The following COL23A1 variants were observed in gnomAD, a reference collection of about 807,000 sequenced individuals.
The protein encoded by COL23A1 is collagen type XXIII alpha 1 chain.
Under a neutral mutation model 99.3 loss-of-function variants are expected in COL23A1, and 97 were observed. The observed-to-expected ratio is 0.98, with a 90% CI of 0.83 to 1.16. The LOEUF is 1.16. Among genes scored for constraint, COL23A1 ranks in the 50% most tolerant of loss-of-function variants. COL23A1 has a pLI of 0.00. For synonymous variants in COL23A1, 320 were observed against 308.2 expected (o/e 1.04, Z -0.40); for missense variants, 762 against 757.4 (o/e 1.01, Z -0.07).
At chr5:178,269,340 C>T (rs879432641) in intron 6 of COL23A1, among the ~76,000 whole-genome samples, 3,294 of 56,140 alleles carry the variant, frequency 0.059, 58 homozygotes, top group Non-Finnish European at 0.12. Flanking sequence ...TGTATCCATC[C>T]ATCCATCCAC....
intron 5 of COL23A1, among the ~76,000 whole-genome samples, chr5:178,279,252 G>C (rs2973764): frequency 6.6e-6 from 1 of 152,112 alleles, no homozygotes. Flanking sequence ...CTCTTCTGAG[G>C]AGCCTTCTTC....
intron 1 of COL23A1, among the ~76,000 whole-genome samples, chr5:178,585,044 C>T (rs940777368): frequency 6.6e-6 from 1 of 152,202 alleles, no homozygotes; most frequent in South Asian, 2.1e-4. Context: ...GTGCCAGAGA[C>T]AATCCCAAAC....
At chr5:178,370,810 T>C (rs1481883087) in intron 2 of COL23A1, among the ~76,000 whole-genome samples, 2 of 152,144 alleles carry the variant, frequency 1.3e-5, no homozygotes, top group Non-Finnish European at 2.9e-5. Context: ...AGCGTGGTGG[T>C]GTGCACCTGC....
intron 1 of COL23A1, among the ~76,000 whole-genome samples, chr5:178,565,910 C>T (rs189302125): frequency 1.0e-3 from 150 of 148,580 alleles, no homozygotes; most frequent in African/African-American, 3.5e-3. Context: ...GTCAGGAGTT[C>T]GTGACTAGCC....
chr5:178,256,794 A>G, intron 14 of COL23A1, 72 bp downstream of exon 14: 2 of 1,441,814 alleles, frequency 1.4e-6, no homozygotes, highest in Non-Finnish European at 1.9e-6. Flanking sequence ...CTGAAACCAC[A>G]TCTCCCACTC....
intron 2 of COL23A1, among the ~76,000 whole-genome samples, chr5:178,406,262 T>A (rs1375499923): frequency 6.6e-6 from 1 of 152,028 alleles, no homozygotes; most frequent in South Asian, 2.1e-4. Flanking sequence ...AAGATGTATA[T>A]GAAGGAAGCT....
chr5:178,496,388 G>A (rs1019164587), intron 2 of COL23A1, among the ~76,000 whole-genome samples: 1 of 152,162 alleles, frequency 6.6e-6, no homozygotes, highest in Non-Finnish European at 1.5e-5. Context: ...TGAGAAAGAA[G>A]GGCAGAGAAA....
At chr5:178,288,282 G>A in intron 5 of COL23A1, 42 bp downstream of exon 5, 1 of 1,496,398 alleles carries the variant, frequency 6.7e-7, no homozygotes, top group Non-Finnish European at 9.3e-7. Flanking sequence ...ATTGGTTTAA[G>A]AGAAAAGGGT....
Position 178,246,277 on chromosome 5 carries a change from G to T in COL23A1, c.1390C>A (p.Leu464Met). ...GPVGPPGLIG[L>M]PGTKGEKGRP... ...ACCTTCTCTCCTTTGGTTCCTGGCA[G>T]CCCAATAAGGCCCGGTGGGCCAACT... Residue 464 changes from leucine (L) to methionine (M), a missense_variant, in exon 24 of 29, where the codon CTG becomes ATG. Physicochemically the swap from Leu to Met is conservative, Grantham distance 15. Coordinates refer to ENST00000390654, the MANE Select transcript of COL23A1 (RefSeq NM_173465.4). 1.3e-6 allele frequency: 2 copies of T among 1,554,704 alleles called. No individual in the cohort carries two copies. The highest frequency in any genetic ancestry group is 1.2e-5 in the South Asian group (1 of 84,410).
At chr5:178,348,427 C>T (rs957773054) in intron 2 of COL23A1, among the ~76,000 whole-genome samples, 1 of 152,202 alleles carries the variant, frequency 6.6e-6, no homozygotes, top group Non-Finnish European at 1.5e-5. Context: ...CATCCTGTCT[C>T]CCCCACCCCC....
At chr5:178,560,603 C>T (rs753138474) in intron 2 of COL23A1, 79 bp downstream of exon 2, 7 of 1,343,598 alleles carry the variant, frequency 5.2e-6, no homozygotes, top group South Asian at 1.3e-5. Context: ...GTCCACCTTC[C>T]GGACCATGCT....
intron 28 of COL23A1, 103 bp from the exon 29 acceptor site, chr5:178,238,803 A>C: frequency 6.8e-7 from 1 of 1,465,090 alleles, no homozygotes; most frequent in Non-Finnish European, 9.6e-7. Flanking sequence ...ATTTCCTCCT[A>C]TCTTCCCTCC....
intron 2 of COL23A1, among the ~76,000 whole-genome samples, chr5:178,459,899 T>G (rs1019962077): frequency 6.6e-6 from 1 of 152,174 alleles, no homozygotes; most frequent in African/African-American, 2.4e-5. Context: ...TGTTCTGTCT[T>G]GTTATACGCA....
chr5:178,498,485 A>G (rs1390907602), intron 2 of COL23A1, among the ~76,000 whole-genome samples: 2 of 151,678 alleles, frequency 1.3e-5, no homozygotes, highest in Non-Finnish European at 2.9e-5. Flanking sequence ...TATTAAGTTT[A>G]CTTCAATAAA....
chr5:178,400,858 G>A (rs1428121043), intron 2 of COL23A1, among the ~76,000 whole-genome samples: 3 of 152,144 alleles, frequency 2.0e-5, no homozygotes, highest in Non-Finnish European at 4.4e-5. Context: ...GGTTGGTCTC[G>A]AACTCCTGAC....
chr5:178,468,574 C>T lies in COL23A1; in HGVS notation c.361+92108G>A, dbSNP rs1370416155. ...CCCGTCCCTCTGAGCTGACCTCAGG[C>T]TGCAGGCCACACGCAGAGCAGCTTC... On this transcript the variant is annotated intron_variant, in intron 2 of 28. Coordinates refer to ENST00000390654, the MANE Select transcript of COL23A1 (RefSeq NM_173465.4). This position sits in a 1 kb window ranked among gnomAD's most constrained non-coding sequence, Gnocchi z 4.2. Among the ~76,000 whole-genome samples, 1 of 151,424 alleles carries T rather than the reference C, an allele frequency of 6.6e-6. No individual in the cohort carries two copies. Among genetic ancestry groups the T allele is most frequent in the Non-Finnish European group, 1.5e-5 (1 of 68,020 alleles).
At chr5:178,495,515 T>C (rs1179132616) in intron 2 of COL23A1, among the ~76,000 whole-genome samples, 8 of 152,038 alleles carry the variant, frequency 5.3e-5, no homozygotes, top group Non-Finnish European at 1.2e-4. Flanking sequence ...TCTGGAGAGA[T>C]GCTAGATGCC....
intron 8 of COL23A1, among the ~76,000 whole-genome samples, chr5:178,266,636 C>A (rs1008462059): frequency 6.6e-6 from 1 of 152,160 alleles, no homozygotes; most frequent in Non-Finnish European, 1.5e-5. Context: ...TCTTTGACTG[C>A]AGAACAATCT....
chr5:178,286,789 G>C (rs879297104), intron 5 of COL23A1, among the ~76,000 whole-genome samples: 1 of 152,136 alleles, frequency 6.6e-6, no homozygotes, highest in African/African-American at 2.4e-5. Flanking sequence ...CCCCTCCCCC[G>C]GGGCAGCAGG....
Sources: allele counts gnomAD v4.1 joint callset (sites outside exome capture counted in the v4.1 genomes callset), GRCh38; gene constraint gnomAD v4.1.1; non-coding constraint Gnocchi (gnomAD v3.1); transcripts MANE v1.5; gene names NCBI Gene and HGNC (gene_info 2026-07-23, HGNC 2026-07-21).